NFASC: variants seen among roughly 807,000 people sequenced by gnomAD.
The protein encoded by NFASC is neurofascin, also known as neurofascin homolog.
In NFASC, 43 loss-of-function variants were observed where a neutral mutation model predicts 147.5. The observed-to-expected ratio is 0.29, with a 90% CI of 0.23 to 0.38. The LOEUF is 0.38. NFASC is among the 10% of genes least tolerant of loss of function. The pLI is 1.00. For synonymous variants in NFASC, 622 were observed against 665.5 expected, an observed-to-expected ratio of 0.93 and a Z score of 1.01; for missense variants, 1,320 against 1,689.0, an observed-to-expected ratio of 0.78 and a Z score of 3.83.
chr1:204,923,412 C>T (rs2090907682), intron 2 of NFASC, among the ~76,000 whole-genome samples: 2 of 152,112 alleles, frequency 1.3e-5, no homozygotes, highest in Non-Finnish European at 2.9e-5. Flanking sequence ...CCAGTACGTC[C>T]ACTCCTTGTC....
chr1:204,850,008 G>A (rs1375482806), intron 1 of NFASC, among the ~76,000 whole-genome samples: 4 of 152,186 alleles, frequency 2.6e-5, no homozygotes, highest in Admixed American at 2.6e-4. Flanking sequence ...CAATCCCATG[G>A]TGCTGCCGTT....
chr1:204,903,599 C>A (rs1169714123), intron 1 of NFASC, among the ~76,000 whole-genome samples: 1 of 152,176 alleles, frequency 6.6e-6, no homozygotes, highest in Non-Finnish European at 1.5e-5. Flanking sequence ...CTCTTTTCTT[C>A]CCAGGTCCTA....
chr1:204,950,670 C>T, intron 4 of NFASC, 96 bp downstream of exon 4: 1 of 1,125,414 alleles, frequency 8.9e-7, no homozygotes. Context: ...GCTGGGACTT[C>T]TGCTGGGGCC....
At chr1:204,957,858 GC>G (rs2094497809) in intron 8 of NFASC, 32 bp downstream of exon 8, 7 of 1,608,508 alleles carry the variant, frequency 4.4e-6, no homozygotes, top group Non-Finnish European at 5.1e-6. Flanking sequence ...GGGGCTGGGG[GC>G]CAAAGAAAGA....
intron 29 of NFASC, among the ~76,000 whole-genome samples, chr1:205,013,456 T>C (rs1177813072): frequency 6.6e-6 from 1 of 152,192 alleles, no homozygotes; most frequent in South Asian, 2.1e-4. Flanking sequence ...ATGAGAGGAC[T>C]GAGGCCCAGA....
rs2082765038 is a variant in NFASC at position 204,893,370 on chromosome 1, TA to T, written c.-199-27261del. ...CATGAGAAATCAATATGGGAGTCAT[TA>T]TTGAGCAGGAGGTGATTGCAACCAT... On this transcript the variant is annotated intron_variant, in intron 1 of 29. Coordinates refer to ENST00000339876, the MANE Select transcript of NFASC (RefSeq NM_001005388.3). 1.3e-5 allele frequency among the ~76,000 whole-genome samples: 2 copies of T among 152,158 alleles called. 1 individual carries two copies. Among genetic ancestry groups the T allele is most frequent in the South Asian group, 4.1e-4 (2 of 4,826 alleles).
chr1:204,877,091 T>TA (rs1367380945), intron 1 of NFASC, among the ~76,000 whole-genome samples: 1 of 110,396 alleles, frequency 9.1e-6, no homozygotes, highest in Non-Finnish European at 1.8e-5. Context: ...ATATATTTAT[T>TA]TATATATTTA....
intron 2 of NFASC, among the ~76,000 whole-genome samples, chr1:204,934,738 G>A (rs1301949104): frequency 6.6e-6 from 1 of 152,236 alleles, no homozygotes; most frequent in Non-Finnish European, 1.5e-5. Flanking sequence ...TGGAATAGAT[G>A]CCCATTCCTA....
At chr1:204,889,939 C>T (rs780039251) in intron 1 of NFASC, among the ~76,000 whole-genome samples, 16 of 152,194 alleles carry the variant, frequency 1.1e-4, no homozygotes, top group African/African-American at 2.2e-4. Context: ...AATTCCCCTC[C>T]GGCAGCCGAC....
At chr1:204,971,785 A>G (rs953484295) in intron 11 of NFASC, among the ~76,000 whole-genome samples, 1 of 152,092 alleles carries the variant, frequency 6.6e-6, no homozygotes, top group Non-Finnish European at 1.5e-5. Flanking sequence ...TCCCCAGTAA[A>G]TGTTACTCCC....
chr1:204,853,700 G>A (rs900520141), intron 1 of NFASC, among the ~76,000 whole-genome samples: 9 of 152,204 alleles, frequency 5.9e-5, no homozygotes, highest in African/African-American at 2.2e-4. Flanking sequence ...ATATTGCACT[G>A]AACTGAGAGA....
intron 27 of NFASC, among the ~76,000 whole-genome samples, chr1:205,005,762 C>G (rs1263054301): frequency 1.3e-5 from 2 of 152,144 alleles, no homozygotes; most frequent in Non-Finnish European, 2.9e-5. Flanking sequence ...CCCACCTTAC[C>G]CCAGATCCCA....
chr1:205,003,800 T>C (rs932356970), intron 27 of NFASC, among the ~76,000 whole-genome samples: 6 of 152,208 alleles, frequency 3.9e-5, no homozygotes, highest in African/African-American at 1.4e-4. Flanking sequence ...AGCTTGCATC[T>C]TGGGAGTCCC....
At chr1:204,832,812 G>A (rs966315119) in intron 1 of NFASC, among the ~76,000 whole-genome samples, 1 of 152,250 alleles carries the variant, frequency 6.6e-6, no homozygotes, top group African/African-American at 2.4e-5. Context: ...TGTTGTAGGA[G>A]CATGGCTGAG....
At chr1:204,890,944 G>A (rs1422136935) in intron 1 of NFASC, among the ~76,000 whole-genome samples, 1 of 152,194 alleles carries the variant, frequency 6.6e-6, no homozygotes, top group Admixed American at 6.5e-5. Context: ...TCACCCAATG[G>A]TCTCACCCTG....
intron 2 of NFASC, among the ~76,000 whole-genome samples, chr1:204,941,520 C>T (rs999045396): frequency 1.3e-5 from 2 of 152,188 alleles, no homozygotes; most frequent in Admixed American, 6.5e-5. Context: ...AGCTCCTAAA[C>T]CAAACATGGT....
chr1:204,977,664 C>T lies in NFASC; in HGVS notation c.1832-17C>T, dbSNP rs774739219. The stretch of plus-strand genomic sequence containing the variant: ...TGGATAACCTGCTAACCTGGATAAC[C>T]CGTCTTACCTTTGCAGCTGATCAGG... On this transcript the variant is annotated splice_polypyrimidine_tract_variant and intron_variant, in intron 16 of 29. Coordinates refer to ENST00000339876, the MANE Select transcript of NFASC (RefSeq NM_001005388.3). 6.2e-7 allele frequency: 1 copy of T among 1,606,322 alleles called. No individual in the cohort carries two copies. The highest frequency in any genetic ancestry group is 1.3e-5 in the African/African-American group (1 of 74,950).
At chr1:204,985,936 G>A in intron 21 of NFASC, 2 of 1,613,586 alleles carry the variant, frequency 1.2e-6, no homozygotes, top group Non-Finnish European at 1.7e-6. Flanking sequence ...AGAGCAGCTT[G>A]CTGAAGAACC....
At chr1:205,009,325 G>T in intron 27 of NFASC, 1 of 665,538 alleles carries the variant, frequency 1.5e-6, no homozygotes. Flanking sequence ...CTGCTTATTT[G>T]CTCCTTGTAC....
Sources: gnomAD v4.1 joint callset for allele counts (sites outside exome capture counted in the v4.1 genomes callset) on GRCh38, gnomAD v4.1.1 for gene constraint, MANE v1.5 for transcripts, NCBI Gene and HGNC (gene_info 2026-07-23, HGNC 2026-07-21) for gene names.